ZBTB49: variants seen among roughly 807,000 people sequenced by gnomAD.
The protein encoded by ZBTB49 is zinc finger and BTB domain containing 49.
ZBTB49 carries 43 observed loss-of-function variants against 57.5 expected under a neutral mutation model. The ratio of observed to expected loss-of-function variants is 0.75; its 90% CI spans 0.59 to 0.97. The LOEUF is 0.97. Ranked by LOEUF, ZBTB49 falls within the 50% of genes least tolerant of loss-of-function variation. The pLI, the probability that ZBTB49 is intolerant of heterozygous loss-of-function variation, is 0.00. For missense variants in ZBTB49, 938 were observed against 947.7 expected (o/e 0.99, Z 0.13); for synonymous variants, 369 against 362.1 (o/e 1.02, Z -0.22).
intron 7 of ZBTB49, among the ~76,000 whole-genome samples, chr4:4,320,060 C>T (rs957240740): frequency 3.3e-5 from 5 of 151,426 alleles, no homozygotes; most frequent in South Asian, 2.1e-4. Context: ...TTCTTTTTTT[C>T]GAGACAAACA....
intron 1 of ZBTB49, among the ~76,000 whole-genome samples, chr4:4,290,599 A>G (rs1203131572): frequency 2.6e-5 from 4 of 152,138 alleles, no homozygotes; most frequent in African/African-American, 9.7e-5. Context: ...CGGGCCTGGG[A>G]GCCGGGCCTT....
intron 4 of ZBTB49, among the ~76,000 whole-genome samples, chr4:4,312,209 T>G (rs927225200): frequency 6.6e-6 from 1 of 152,180 alleles, no homozygotes; most frequent in Non-Finnish European, 1.5e-5. Context: ...TGTACAAAAT[T>G]AAAATGAGGA....
chr4:4,306,048 T>C, intron 3 of ZBTB49, 90 bp from the exon 4 acceptor site: 1 of 1,033,768 alleles, frequency 9.7e-7, no homozygotes, highest in Non-Finnish European at 1.5e-6. Flanking sequence ...GTAATGCCAT[T>C]TTGAAAGTAC....
At chr4:4,316,303 A>G (rs538241228) in intron 7 of ZBTB49, among the ~76,000 whole-genome samples, 49 of 152,288 alleles carry the variant, frequency 3.2e-4, no homozygotes, top group African/African-American at 1.2e-3. Context: ...GAAGGAGAGC[A>G]GCGGTCCCGC....
intron 4 of ZBTB49, among the ~76,000 whole-genome samples, chr4:4,310,363 C>G (rs540025188): frequency 6.6e-6 from 1 of 152,286 alleles, no homozygotes; most frequent in Admixed American, 6.5e-5. Context: ...CTCTCAGAGC[C>G]TCTGTTGACT....
chr4:4,320,622 CTG>C lies in ZBTB49; in HGVS notation c.1622-16_1622-15del. On this transcript the variant is annotated splice_polypyrimidine_tract_variant and intron_variant, in intron 7 of 7. Transcript: ENST00000337872. The stretch of plus-strand genomic sequence containing the variant: ...AGACCCTGTTTAAGTAAATAAATAA[CTG>C]TTTTTCTTTTTCCAGGGAAATGTTT... 6.2e-7 allele frequency: 1 copy of C among 1,613,188 alleles called. No homozygotes were observed. Among genetic ancestry groups the C allele is most frequent in the Non-Finnish European group, 8.5e-7 (1 of 1,179,880 alleles).
At chr4:4,291,296 G>A (rs1474651656) in intron 1 of ZBTB49, among the ~76,000 whole-genome samples, 2 of 152,296 alleles carry the variant, frequency 1.3e-5, no homozygotes, top group African/African-American at 4.8e-5. Flanking sequence ...CTTGCACGTG[G>A]CTGCTTTCTT....
rs1436907295 is a variant in ZBTB49, at chr4:4,320,759, C to T, written c.1741C>T (p.His581Tyr). The T allele has an allele frequency of 6.2e-7, 1 of 1,614,214 alleles. No individual in the cohort carries two copies. Among genetic ancestry groups the T allele is most frequent in the East Asian group, 2.2e-5 (1 of 44,884 alleles). Reference sequence around the variant, plus strand: ...TACCCGCTCTGCGGTGCTCCGGCGGCACAAGAAGATGCACTGCAAAGCTGG... The same window carrying T: ...TACCCGCTCTGCGGTGCTCCGGCGGTACAAGAAGATGCACTGCAAAGCTGG... Reference protein sequence around the residue: ...CFTRSAVLRRHKKMHCKAGDE... With the variant: ...CFTRSAVLRRYKKMHCKAGDE... The change falls in exon 8 of 8, where the codon CAC (histidine) becomes TAC (tyrosine). Residue 581 changes from histidine (H) to tyrosine (Y), a missense_variant. His to Tyr is a moderately conservative substitution (Grantham distance 83). Coordinates refer to ENST00000337872, the MANE Select transcript of ZBTB49 (RefSeq NM_145291.4).
At chr4:4,295,727 C>CT (rs1255319818) in intron 1 of ZBTB49, among the ~76,000 whole-genome samples, 1 of 152,174 alleles carries the variant, frequency 6.6e-6, no homozygotes, top group East Asian at 1.9e-4. Flanking sequence ...CCAGTTTTCT[C>CT]TGAGTCTCAC....
intron 3 of ZBTB49, among the ~76,000 whole-genome samples, chr4:4,304,937 A>G (rs1720672943): frequency 2.3e-5 from 1 of 44,268 alleles, no homozygotes; most frequent in African/African-American, 9.5e-5. Flanking sequence ...TAGGACCTCA[A>G]TTTTAAGGTG....
intron 1 of ZBTB49, among the ~76,000 whole-genome samples, chr4:4,291,781 A>T (rs1719938188): frequency 6.6e-6 from 1 of 152,334 alleles, no homozygotes; most frequent in East Asian, 1.9e-4. Flanking sequence ...TGTGTCTTCC[A>T]GGAAGTTTTC....
At chr4:4,301,867 G>A (rs1720486367) in intron 2 of ZBTB49, 122 bp from the exon 3 acceptor site, 5 of 1,028,470 alleles carry the variant, frequency 4.9e-6, no homozygotes, top group Non-Finnish European at 3.8e-6. Flanking sequence ...ATGTACTTAT[G>A]TTAAAAGTTT....
chr4:4,315,546 G>C lies in ZBTB49; in HGVS notation c.1377-90G>C, dbSNP rs1191882447. The stretch of plus-strand genomic sequence containing the variant: ...GTTCCTTTCTGCAGCAGTGTCAGGA[G>C]CAGGTATCTCCTCCCTCAGAGAGTT... On this transcript the variant is annotated intron_variant, in intron 5 of 7. Transcript: ENST00000337872. 5.6e-6 allele frequency: 7 copies of C among 1,261,138 alleles called. 1 individual carries two copies. In the African/African-American group the frequency reaches 6.0e-5, roughly 11 times the overall value. The allele number at this position is 1,261,138 out of a possible 1,614,324, so 78.1% of individuals were successfully genotyped here.
intron 4 of ZBTB49, among the ~76,000 whole-genome samples, chr4:4,311,138 C>T (rs1207647443): frequency 6.6e-6 from 1 of 152,130 alleles, no homozygotes; most frequent in Non-Finnish European, 1.5e-5. Context: ...GTAAAGAACA[C>T]TTTAAAGATT....
At chr4:4,300,909 C>G (rs1283871097) in intron 2 of ZBTB49, among the ~76,000 whole-genome samples, 1 of 151,814 alleles carries the variant, frequency 6.6e-6, no homozygotes, top group South Asian at 2.1e-4. Flanking sequence ...AAAATGCATA[C>G]CGTTTTACTG....
chr4:4,296,710 T>C (rs996437211), intron 1 of ZBTB49, among the ~76,000 whole-genome samples: 14 of 152,264 alleles, frequency 9.2e-5, no homozygotes, highest in African/African-American at 3.4e-4. Flanking sequence ...GGCATGTAGA[T>C]AGCTATTTTG....
chr4:4,304,134 G>A (rs1217923832), intron 3 of ZBTB49, among the ~76,000 whole-genome samples: 4 of 151,882 alleles, frequency 2.6e-5, no homozygotes, highest in East Asian at 3.9e-4. Context: ...ATTATTCCAC[G>A]TGAAGGCAAT....
At chr4:4,313,223 C>A in intron 5 of ZBTB49, 109 bp downstream of exon 5, 2 of 1,207,804 alleles carry the variant, frequency 1.7e-6, no homozygotes, top group Non-Finnish European at 2.3e-6. Flanking sequence ...CACAGGTGGG[C>A]TCACCCTGCC....
At chr4:4,293,396 T>C (rs893048995) in intron 1 of ZBTB49, among the ~76,000 whole-genome samples, 28 of 152,224 alleles carry the variant, frequency 1.8e-4, no homozygotes, top group Admixed American at 1.8e-3. Flanking sequence ...GCATAGGCAG[T>C]AGACTGAAGA....
Sources: gnomAD v4.1 joint callset for allele counts (sites outside exome capture counted in the v4.1 genomes callset) on GRCh38, gnomAD v4.1.1 for gene constraint, MANE v1.5 for transcripts, NCBI Gene and HGNC (gene_info 2026-07-23, HGNC 2026-07-21) for gene names.